Variants in FRAS1 observed in about 807,000 individuals in gnomAD.
FRAS1 encodes the protein Fraser extracellular matrix complex subunit 1, also known as extracellular matrix organizing protein FRAS1.
Under a neutral mutation model 435.2 loss-of-function variants are expected in FRAS1, and 290 were observed. That is an observed-to-expected ratio of 0.67 (90% CI 0.61 to 0.73). The LOEUF is 0.73. Ranked by LOEUF, FRAS1 falls within the 30% of genes least tolerant of loss-of-function variation. The pLI is 0.00. For synonymous variants in FRAS1, 1,800 were observed against 1,851.0 expected (o/e 0.97, Z 0.71); for missense variants, 4,860 against 5,001.5 (o/e 0.97, Z 0.85).
At chr4:78,272,393 A>C (rs537534664) in intron 9 of FRAS1, among the ~76,000 whole-genome samples, 5 of 152,148 alleles carry the variant, frequency 3.3e-5, no homozygotes, top group African/African-American at 1.2e-4. Flanking sequence ...GCCCATGCCT[A>C]TGTCCTGAAT....
intron 35 of FRAS1, among the ~76,000 whole-genome samples, chr4:78,424,708 G>A (rs992129717): frequency 1.3e-5 from 2 of 152,006 alleles, no homozygotes; most frequent in Non-Finnish European, 2.9e-5. Flanking sequence ...TTGGAAGGCT[G>A]ATGGGGGAGC....
intron 14 of FRAS1, among the ~76,000 whole-genome samples, chr4:78,298,052 ATT>A (rs1461627031): frequency 6.7e-5 from 9 of 134,746 alleles, no homozygotes; most frequent in South Asian, 4.9e-4. Flanking sequence ...ATATATATAT[ATT>A]ACTAATCCTC....
rs1388010376 is a variant in FRAS1 at position 78,372,726 on chromosome 4, T to C, written c.2878T>C (p.Trp960Arg). 8.7e-6 allele frequency: 14 copies of C among 1,612,606 alleles called. No homozygotes were observed. Among genetic ancestry groups the C allele is most frequent in the Non-Finnish European group, 1.2e-5 (14 of 1,179,762 alleles). ...FSTNTCKECD[W>R]SCSACSGPLK... ...GCAGACTTTCTTTTTAGAGTGTGAT[T>C]GGAGCTGCAGTGCATGCAGTGGGCC... The change falls in exon 24 of 74, where the codon TGG becomes CGG. Residue 960 changes from tryptophan (W) to arginine (R), a missense_variant. Physicochemically the swap from Trp to Arg is moderately radical, Grantham distance 101. Coordinates refer to ENST00000512123, the MANE Select transcript of FRAS1 (RefSeq NM_025074.7).
At chr4:78,067,029 T>C (rs1294474961) in intron 2 of FRAS1, among the ~76,000 whole-genome samples, 1 of 152,242 alleles carries the variant, frequency 6.6e-6, no homozygotes, top group African/African-American at 2.4e-5. Flanking sequence ...TATTCTTTAA[T>C]ATATTTTAGG....
chr4:78,505,451 T>C (rs905119748), intron 61 of FRAS1, among the ~76,000 whole-genome samples: 1 of 152,220 alleles, frequency 6.6e-6, no homozygotes, highest in Non-Finnish European at 1.5e-5. Flanking sequence ...TCTCTAAACT[T>C]CTCTTCTCGC....
intron 14 of FRAS1, among the ~76,000 whole-genome samples, chr4:78,301,459 A>G (rs1454435402): frequency 6.6e-6 from 1 of 152,228 alleles, no homozygotes; most frequent in Non-Finnish European, 1.5e-5. Context: ...TCAAGGTATA[A>G]GAGAAAAGCA....
At chr4:78,370,866 C>A (rs2110305910) in intron 23 of FRAS1, among the ~76,000 whole-genome samples, 1 of 152,268 alleles carries the variant, frequency 6.6e-6, no homozygotes, top group African/African-American at 2.4e-5. Context: ...TTACTTGCTC[C>A]TGTCCATTTC....
Position 78,333,209 on chromosome 4 carries a change from G to A in FRAS1, c.2138-63G>A, listed in dbSNP as rs1368119415. ...CCCAGGAATGTTAATGGGAGAGATA[G>A]AGTTACTGTCTGTGTCACGTGGGGC... On this transcript the variant is annotated intron_variant, in intron 18 of 73. Transcript: ENST00000512123. 3 of 1,539,618 alleles carry A rather than the reference G, an allele frequency of 1.9e-6. 1 individual carries two copies. The highest frequency in any genetic ancestry group is 2.6e-6 in the Non-Finnish European group (3 of 1,141,576).
intron 2 of FRAS1, among the ~76,000 whole-genome samples, chr4:78,122,622 A>C (rs997947543): frequency 2.0e-5 from 3 of 151,982 alleles, no homozygotes; most frequent in Non-Finnish European, 2.9e-5. Flanking sequence ...ATTTTTCCAC[A>C]ACCTCTCCAG....
intron 1 of FRAS1, among the ~76,000 whole-genome samples, chr4:78,061,218 T>C (rs1739747235): frequency 6.6e-6 from 1 of 152,236 alleles, no homozygotes; most frequent in East Asian, 1.9e-4. Flanking sequence ...AGTGTTATTT[T>C]ATATGGCCTT....
In FRAS1 at chr4:78,267,385, C is replaced by T. The variant is rs377137481; in HGVS notation, c.934C>T (p.Gln312Ter). ...TGAGTTCTGCATGTGTGATCATGGC[C>T]AAGTGACCTGCCAGACTGGAGAGTG... ...ACEFCMCDHG[Q>*]VTCQTGECAK... The change falls in exon 9 of 74, where the codon CAA becomes TAA. Residue 312 changes from glutamine (Q) to a stop codon, truncating the protein, a stop_gained. Transcript: ENST00000512123. LOFTEE classifies it high-confidence loss of function. 30 of 1,613,940 alleles carry T rather than the reference C, an allele frequency of 1.9e-5. No homozygotes were observed. Among genetic ancestry groups the T allele is most frequent in the Non-Finnish European group, 2.5e-5 (30 of 1,179,878 alleles).
In FRAS1 at chr4:78,464,430, C is replaced by A; in HGVS notation, c.6889-13C>A. 6.2e-7 allele frequency: 1 copy of A among 1,613,914 alleles called. No individual in the cohort carries two copies. The highest frequency in any genetic ancestry group is 1.1e-5 in the South Asian group (1 of 91,048). ...GGGACAGGTGTCCCACCTGCACTTT[C>A]CTGCCATTCTAGGTGACTCAGACTT... On this transcript the variant is annotated splice_polypyrimidine_tract_variant and intron_variant, in intron 48 of 73. Transcript: ENST00000512123.
chr4:78,387,615 G>C lies in FRAS1; in HGVS notation c.3889G>C (p.Asp1297His), dbSNP rs1396358890. The change falls in exon 29 of 74, where the codon GAC becomes CAC. Residue 1297 changes from aspartate (D) to histidine (H), a missense_variant. Transcript: ENST00000512123. ...GLLHYAHDGS[D>H]STSDVAVLQA... The stretch of plus-strand genomic sequence containing the variant: ...TCTCCACTATGCTCATGATGGTTCA[G>C]ACAGCACATCCGATGTTGCAGTCTT... The C allele has an allele frequency of 6.2e-7, 1 of 1,612,380 alleles. No homozygotes were observed. Among genetic ancestry groups the C allele is most frequent in the South Asian group, 1.1e-5 (1 of 90,868 alleles).
chr4:78,464,281 T>C, intron 48 of FRAS1, 136 bp downstream of exon 48: 1 of 1,371,210 alleles, frequency 7.3e-7, no homozygotes, highest in African/African-American at 1.4e-5. Context: ...GGGCAGCCTC[T>C]GTAGCCACCT....
intron 58 of FRAS1, among the ~76,000 whole-genome samples, chr4:78,487,994 C>G (rs1720223502): frequency 6.6e-6 from 1 of 152,096 alleles, no homozygotes; most frequent in African/African-American, 2.4e-5. Context: ...AAAGAAGAGG[C>G]ATCTAGCGCC....
chr4:78,472,598 A>G (rs1189934959), intron 52 of FRAS1, among the ~76,000 whole-genome samples: 2 of 152,184 alleles, frequency 1.3e-5, no homozygotes, highest in Non-Finnish European at 2.9e-5. Flanking sequence ...GGTTTTCTGG[A>G]AAAGAATGCA....
intron 2 of FRAS1, among the ~76,000 whole-genome samples, chr4:78,120,594 C>G (rs1027050879): frequency 2.6e-5 from 4 of 152,112 alleles, no homozygotes; most frequent in Non-Finnish European, 4.4e-5. Flanking sequence ...GGCCTGTGTG[C>G]AAAACCACAG....
intron 6 of FRAS1, among the ~76,000 whole-genome samples, chr4:78,260,086 T>C (rs931384234): frequency 3.9e-5 from 6 of 152,128 alleles, no homozygotes; most frequent in Middle Eastern, 3.4e-3. Flanking sequence ...ACCAGTAGCA[T>C]GCTGTTTTGG....
intron 30 of FRAS1, among the ~76,000 whole-genome samples, chr4:78,405,065 C>T (rs560221234): frequency 7.4e-4 from 113 of 152,200 alleles, no homozygotes; most frequent in African/African-American, 2.6e-3. Context: ...CTAATGGGTA[C>T]TCAATGACTA....
Sources: allele counts gnomAD v4.1 joint callset (sites outside exome capture counted in the v4.1 genomes callset), GRCh38; gene constraint gnomAD v4.1.1; transcripts MANE v1.5; gene names NCBI Gene and HGNC (gene_info 2026-07-23, HGNC 2026-07-21).